Variants in TBC1D32 observed in about 807,000 individuals in gnomAD.
TBC1D32 encodes the protein protein broad-minded.
TBC1D32 carries 151 observed loss-of-function variants against 170.3 expected under a neutral mutation model. The observed-to-expected ratio is 0.89, with a 90% confidence interval of 0.78 to 1.01. The LOEUF (loss-of-function observed/expected upper bound fraction) is 1.01, where lower values mean the gene tolerates loss of function less well. Among genes scored for constraint, TBC1D32 ranks in the 50% least tolerant of loss-of-function variants. The pLI is 0.00. For synonymous variants in TBC1D32, 498 were observed against 488.0 expected, an observed-to-expected ratio of 1.02 and a Z score of -0.27; for missense variants, 1,464 against 1,457.1, an observed-to-expected ratio of 1.00 and a Z score of -0.08.
At chr6:121,281,512 G>C in intron 14 of TBC1D32, 32 bp downstream of exon 14, 1 of 1,575,472 alleles carries the variant, frequency 6.3e-7, no homozygotes, top group Non-Finnish European at 8.6e-7. Flanking sequence ...CCAGGTAAGA[G>C]ACTCTTTTTC....
intron 13 of TBC1D32, among the ~76,000 whole-genome samples, chr6:121,282,871 C>G (rs1265324004): frequency 6.6e-6 from 1 of 151,790 alleles, no homozygotes; most frequent in African/African-American, 2.4e-5. Flanking sequence ...GTTCTTTATA[C>G]ATGTAAATGC....
At position 121,279,882 on chromosome 6, in the gene TBC1D32, G is replaced by GT. The variant is rs139981204; in HGVS notation, c.1609-638dup. Among the ~76,000 whole-genome samples, 1,350 of 152,082 alleles carry GT rather than the reference G, an allele frequency of 8.9e-3. 25 individuals carry two copies. The highest frequency in any genetic ancestry group is 0.031 in the African/African-American group (1,276 of 41,536). On this transcript the variant is annotated intron_variant, in intron 14 of 31. Transcript: ENST00000398212. ...CAGAGAGCCATGTTAATGCTAGAGT[G>GT]TATCTACAGTATTATAATTCCTGCT...
intron 22 of TBC1D32, among the ~76,000 whole-genome samples, chr6:121,194,309 A>G (rs1790448749): frequency 6.6e-6 from 1 of 152,198 alleles, no homozygotes; most frequent in African/African-American, 2.4e-5. Context: ...GGTGAGGGCT[A>G]CTATGGTGGG....
chr6:121,138,755 G>A (rs893670406), intron 24 of TBC1D32, among the ~76,000 whole-genome samples: 1 of 152,086 alleles, frequency 6.6e-6, no homozygotes, highest in African/African-American at 2.4e-5. Context: ...TAGACTATAT[G>A]TGTAAGACAG....
chr6:121,323,031 C>T (rs1458396897), intron 1 of TBC1D32, among the ~76,000 whole-genome samples: 1 of 152,066 alleles, frequency 6.6e-6, no homozygotes, highest in African/African-American at 2.4e-5. Context: ...GCAAAAAGCA[C>T]TCTCCTCTTT....
chr6:121,309,013 A>G (rs1474047905), intron 4 of TBC1D32, among the ~76,000 whole-genome samples: 7 of 152,160 alleles, frequency 4.6e-5, no homozygotes, highest in African/African-American at 1.7e-4. Flanking sequence ...GTGAGGCCTA[A>G]GAGACAGGAG....
intron 24 of TBC1D32, among the ~76,000 whole-genome samples, chr6:121,148,040 G>T (rs913617598): frequency 2.0e-5 from 3 of 151,588 alleles, no homozygotes; most frequent in Non-Finnish European, 2.9e-5. Context: ...GAACGTGCAG[G>T]TTTGTTACAT....
At chr6:121,094,445 G>C (rs1041565350) in intron 30 of TBC1D32, among the ~76,000 whole-genome samples, 6 of 152,076 alleles carry the variant, frequency 3.9e-5, no homozygotes, top group Non-Finnish European at 8.8e-5. Flanking sequence ...GGGATTACCT[G>C]CATGAACCAC....
At chr6:121,309,474 A>T (rs1435438397) in intron 4 of TBC1D32, among the ~76,000 whole-genome samples, 1 of 152,158 alleles carries the variant, frequency 6.6e-6, no homozygotes, top group Non-Finnish European at 1.5e-5. Flanking sequence ...TGAGTTTTTT[A>T]AAAATTTCAG....
intron 30 of TBC1D32, among the ~76,000 whole-genome samples, chr6:121,094,435 G>A (rs1212340413): frequency 6.6e-6 from 1 of 151,996 alleles, no homozygotes; most frequent in African/African-American, 2.4e-5. Context: ...CCAAAGTGGT[G>A]GGATTACCTG....
At chr6:121,275,359 T>C (rs1468476141) in intron 15 of TBC1D32, among the ~76,000 whole-genome samples, 2 of 152,322 alleles carry the variant, frequency 1.3e-5, no homozygotes, top group East Asian at 3.9e-4. Flanking sequence ...TAAACCTTTA[T>C]GTTTCCTGTA....
Position 121,205,676 on chromosome 6 carries a change from C to T in TBC1D32, c.2482-513G>A, listed in dbSNP as rs150393851. 2.1e-3 allele frequency among the ~76,000 whole-genome samples: 325 copies of T among 152,246 alleles called. 1 individual carries two copies. Among genetic ancestry groups the T allele is most frequent in the African/African-American group, 7.4e-3 (307 of 41,532 alleles). On this transcript the variant is annotated intron_variant, in intron 21 of 31. Transcript: ENST00000398212. The stretch of plus-strand genomic sequence containing the variant: ...CAACCCTGGTTGAACATTAGACTCA[C>T]GTAGGGAACTTAAGAAAGATACACA...
At chr6:121,332,951 T>C (rs1224338552) in intron 1 of TBC1D32, among the ~76,000 whole-genome samples, 1 of 152,202 alleles carries the variant, frequency 6.6e-6, no homozygotes, top group Non-Finnish European at 1.5e-5. Flanking sequence ...CCATTATTAA[T>C]GAAGATTCCT....
chr6:121,253,591 C>T (rs1182578532), intron 17 of TBC1D32, among the ~76,000 whole-genome samples: 1 of 151,934 alleles, frequency 6.6e-6, no homozygotes, highest in African/African-American at 2.4e-5. Context: ...TGGTGGTGGG[C>T]GCCTGTAGTC....
intron 31 of TBC1D32, among the ~76,000 whole-genome samples, chr6:121,085,306 T>A (rs1186275307): frequency 6.9e-6 from 1 of 145,640 alleles, no homozygotes; most frequent in African/African-American, 2.5e-5. Context: ...CATACATATA[T>A]ATACATATAT....
chr6:121,216,472 G>A (rs781629724), intron 21 of TBC1D32, among the ~76,000 whole-genome samples: 2 of 152,182 alleles, frequency 1.3e-5, no homozygotes, highest in Non-Finnish European at 2.9e-5. Context: ...AGTTCTAGAG[G>A]AAGAGAATAT....
intron 22 of TBC1D32, among the ~76,000 whole-genome samples, chr6:121,176,075 T>C (rs938330421): frequency 6.6e-6 from 1 of 151,978 alleles, no homozygotes. Flanking sequence ...CCCTAAATAG[T>C]AGGGGAAGGG....
chr6:121,212,752 C>T (rs1793256584), intron 21 of TBC1D32, among the ~76,000 whole-genome samples: 1 of 152,030 alleles, frequency 6.6e-6, no homozygotes, highest in Non-Finnish European at 1.5e-5. Flanking sequence ...TGAGCCACCG[C>T]ACCCAGCCCA....
At chr6:121,271,858 A>G (rs1262374249) in intron 15 of TBC1D32, among the ~76,000 whole-genome samples, 1 of 152,182 alleles carries the variant, frequency 6.6e-6, no homozygotes, top group East Asian at 1.9e-4. Flanking sequence ...TTCAAACTGT[A>G]CTACAAGGCT....
Sources: allele counts gnomAD v4.1 joint callset (sites outside exome capture counted in the v4.1 genomes callset), GRCh38; gene constraint gnomAD v4.1.1; transcripts MANE v1.5; gene names NCBI Gene and HGNC (gene_info 2026-07-23, HGNC 2026-07-21).